Variants in KCNN2 observed in about 807,000 individuals in gnomAD.
The protein encoded by KCNN2 is potassium calcium-activated channel subfamily N member 2, also known as small conductance calcium-activated potassium channel protein 2.
In KCNN2, 24 loss-of-function variants were observed where a neutral mutation model predicts 55.5. The observed-to-expected ratio is 0.43, with a 90% CI of 0.31 to 0.61. The LOEUF (loss-of-function observed/expected upper bound fraction) is 0.61. Ranked by LOEUF, KCNN2 falls within the 20% of genes least tolerant of loss-of-function variation. The pLI is 0.08. For synonymous variants in KCNN2, 431 were observed against 336.1 expected (o/e 1.28, Z -3.09); for missense variants, 754 against 853.6 (o/e 0.88, Z 1.45).
chr5:114,199,055 C>T (rs771054423), intron 1 of KCNN2, among the ~76,000 whole-genome samples: 2 of 151,958 alleles, frequency 1.3e-5, no homozygotes, highest in African/African-American at 2.4e-5. Flanking sequence ...TATTGTATTG[C>T]TGTCTATTTC....
At chr5:114,468,032 G>A (rs548141805) in intron 4 of KCNN2, among the ~76,000 whole-genome samples, 30 of 152,172 alleles carry the variant, frequency 2.0e-4, no homozygotes, top group African/African-American at 7.0e-4. Context: ...CCCAGGCCCA[G>A]GCTTAATAAC....
Position 114,463,210 on chromosome 5 carries a change from A to G in KCNN2, c.1779+20A>G. The G allele has an allele frequency of 1.3e-6, 2 of 1,596,108 alleles. No homozygotes were observed. Among genetic ancestry groups the G allele is most frequent in the Non-Finnish European group, 1.7e-6 (2 of 1,169,728 alleles). ...ATTATGGTAAGTGTCTTTATACTTC[A>G]CATCTCTTTTATTTACGCTCAAGAA... On this transcript the variant is annotated intron_variant, in intron 4 of 7. Transcript: ENST00000673685.
intron 3 of KCNN2, among the ~76,000 whole-genome samples, chr5:114,425,337 T>C (rs75694910): frequency 0.017 from 2,587 of 152,182 alleles, 71 homozygotes; most frequent in African/African-American, 0.058. Context: ...GCTAATTCCA[T>C]AGGACCTACA....
rs1554086873 is a variant in KCNN2 at position 114,409,332 on chromosome 5, T to TG, written c.1637+4476_1637+4477insG. Among the ~76,000 whole-genome samples, 25 of 151,920 alleles carry TG rather than the reference T, an allele frequency of 1.6e-4. No homozygotes were observed. The Middle Eastern group carries it at 0.01, about 62-fold the overall frequency. On this transcript the variant is annotated intron_variant, in intron 3 of 7. Coordinates refer to ENST00000673685, the MANE Select transcript of KCNN2 (RefSeq NM_021614.4). Reference sequence around the variant, plus strand: ...GATTGTGGTTTGTAAGATACAAAGATAAAAAAAAATTGTTTTTCCGTAAAT... The same window carrying TG: ...GATTGTGGTTTGTAAGATACAAAGATGAAAAAAAAATTGTTTTTCCGTAAAT...
intron 2 of KCNN2, among the ~76,000 whole-genome samples, chr5:114,230,004 A>G (rs1224989641): frequency 3.9e-5 from 6 of 152,212 alleles, no homozygotes; most frequent in Admixed American, 1.3e-4. Context: ...AAATACTCCA[A>G]ACTGTTAAAA....
intron 2 of KCNN2, among the ~76,000 whole-genome samples, chr5:114,238,248 T>C (rs528815162): frequency 1.6e-3 from 249 of 152,342 alleles, no homozygotes; most frequent in Non-Finnish European, 2.4e-3. Context: ...CATTGTGGTC[T>C]TTTTGTTTAT....
At chr5:114,312,174 G>A (rs759530398) in intron 2 of KCNN2, among the ~76,000 whole-genome samples, 1 of 151,666 alleles carries the variant, frequency 6.6e-6, no homozygotes, top group East Asian at 1.9e-4. Context: ...TCACAAGAGG[G>A]GTGCTGCCCC....
At chr5:114,482,229 C>G (rs367845067) in intron 5 of KCNN2, among the ~76,000 whole-genome samples, 1 of 152,138 alleles carries the variant, frequency 6.6e-6, no homozygotes, top group Admixed American at 6.5e-5. Flanking sequence ...TGAACAGACA[C>G]GTCTTAAAAG....
At chr5:114,226,032 A>G (rs1203320535) in intron 2 of KCNN2, among the ~76,000 whole-genome samples, 1 of 152,218 alleles carries the variant, frequency 6.6e-6, no homozygotes, top group East Asian at 1.9e-4. Context: ...AAAATCCCCA[A>G]AGATCTCACA....
chr5:114,164,127 C>G (rs1267985491), intron 1 of KCNN2, among the ~76,000 whole-genome samples: 1 of 152,058 alleles, frequency 6.6e-6, no homozygotes, highest in African/African-American at 2.4e-5. Context: ...AAAAGTATTA[C>G]AAAAGTATTA....
intron 7 of KCNN2, among the ~76,000 whole-genome samples, chr5:114,494,485 G>A (rs1355907952): frequency 6.6e-6 from 1 of 151,240 alleles, no homozygotes. Context: ...CATATAAAAA[G>A]TATGAGGACA....
chr5:114,459,352 G>A (rs928791619), intron 3 of KCNN2, among the ~76,000 whole-genome samples: 2 of 152,152 alleles, frequency 1.3e-5, no homozygotes, highest in Non-Finnish European at 2.9e-5. Flanking sequence ...ATTTCTTCAT[G>A]CCTTTCTCAG....
At chr5:114,063,549 C>T (rs144751073) in intron 1 of KCNN2, among the ~76,000 whole-genome samples, 99 of 152,296 alleles carry the variant, frequency 6.5e-4, no homozygotes, top group Non-Finnish European at 1.2e-3. Flanking sequence ...GATGCTGATG[C>T]TGCAAGTCTG....
chr5:114,238,363 C>T (rs1253302982), intron 2 of KCNN2, among the ~76,000 whole-genome samples: 1 of 152,056 alleles, frequency 6.6e-6, no homozygotes, highest in Non-Finnish European at 1.5e-5. Context: ...CAGTGGCTCA[C>T]GCCTGTAATC....
chr5:114,207,377 A>G (rs1580618931), intron 1 of KCNN2, among the ~76,000 whole-genome samples: 2 of 152,216 alleles, frequency 1.3e-5, no homozygotes, highest in Non-Finnish European at 2.9e-5. Flanking sequence ...GGAAGAATAG[A>G]AAATGGTATA....
intron 2 of KCNN2, among the ~76,000 whole-genome samples, chr5:114,325,430 G>A (rs1019872911): frequency 6.6e-6 from 1 of 152,228 alleles, no homozygotes; most frequent in Non-Finnish European, 1.5e-5. Context: ...AGAAAAAGCT[G>A]AGAGTGTGGC....
chr5:114,207,073 C>G (rs949422975), intron 1 of KCNN2, among the ~76,000 whole-genome samples: 6 of 152,116 alleles, frequency 3.9e-5, no homozygotes, highest in African/African-American at 1.4e-4. Flanking sequence ...TAGTGTGCAT[C>G]TACAGTGGAT....
At chr5:114,448,256 T>C (rs1760500278) in intron 3 of KCNN2, among the ~76,000 whole-genome samples, 1 of 152,216 alleles carries the variant, frequency 6.6e-6, no homozygotes, top group Admixed American at 6.5e-5. Flanking sequence ...AAAATATTTT[T>C]CCGGCTTTAA....
intron 1 of KCNN2, among the ~76,000 whole-genome samples, chr5:114,104,608 A>C (rs2112574077): frequency 6.6e-6 from 1 of 152,194 alleles, no homozygotes. Flanking sequence ...TGACAAGACA[A>C]GTTCTAGACC....
Sources: allele counts gnomAD v4.1 joint callset (sites outside exome capture counted in the v4.1 genomes callset), GRCh38; gene constraint gnomAD v4.1.1; transcripts MANE v1.5; gene names NCBI Gene and HGNC (gene_info 2026-07-23, HGNC 2026-07-21).